HNF4A: variants seen among roughly 807,000 people sequenced by gnomAD.
HNF4A encodes the protein hepatocyte nuclear factor 4 alpha, also known as hepatocyte nuclear factor 4-alpha.
Under a neutral mutation model 52.4 loss-of-function variants are expected in HNF4A, and 15 were observed. That is an observed-to-expected ratio of 0.29 (90% CI 0.19 to 0.44). HNF4A has a LOEUF of 0.44. Among genes scored for constraint, HNF4A ranks in the 20% least tolerant of loss-of-function variants. HNF4A has a pLI of 1.00. For missense variants in HNF4A, 479 were observed against 647.2 expected, an observed-to-expected ratio of 0.74 and a Z score of 2.82; for synonymous variants, 280 against 264.4, an observed-to-expected ratio of 1.06 and a Z score of -0.57.
chr20:44,380,483 A>G (rs887776049), intron 1 of HNF4A, among the ~76,000 whole-genome samples: 1 of 151,578 alleles, frequency 6.6e-6, no homozygotes, highest in Admixed American at 6.6e-5. Context: ...CTGTAGAGAC[A>G]AAGTTTCACT....
intron 8 of HNF4A, among the ~76,000 whole-genome samples, chr20:44,426,352 T>C (rs1290280673): frequency 1.3e-5 from 2 of 152,050 alleles, no homozygotes; most frequent in African/African-American, 2.4e-5. Context: ...GGAAACCAGA[T>C]TGGAGAGTGC....
chr20:44,391,062 A>G (rs1302526033), intron 1 of HNF4A, among the ~76,000 whole-genome samples: 2 of 152,180 alleles, frequency 1.3e-5, no homozygotes, highest in East Asian at 3.9e-4. Flanking sequence ...TTCCCTGAGC[A>G]GAAAACAATC....
intron 4 of HNF4A, 33 bp downstream of exon 4, chr20:44,413,833 TC>T: frequency 7.0e-7 from 1 of 1,428,600 alleles, no homozygotes; most frequent in Middle Eastern, 1.7e-4. Flanking sequence ...CACCCAGGGA[TC>T]CCCCACACTA....
chr20:44,358,857 T>A (rs2062888202), intron 1 of HNF4A, among the ~76,000 whole-genome samples: 1 of 152,102 alleles, frequency 6.6e-6, no homozygotes, highest in Admixed American at 6.6e-5. Context: ...ACGCAAGAAA[T>A]CCTCGTTGTG....
chr20:44,393,513 GAC>G (rs2063324811), intron 1 of HNF4A, among the ~76,000 whole-genome samples: 1 of 152,246 alleles, frequency 6.6e-6, no homozygotes, highest in African/African-American at 2.4e-5. Flanking sequence ...AGACTCTAGA[GAC>G]AGACTGCCCA....
chr20:44,382,173 A>G (rs1324451326), intron 1 of HNF4A, among the ~76,000 whole-genome samples: 3 of 152,032 alleles, frequency 2.0e-5, no homozygotes, highest in African/African-American at 7.2e-5. Flanking sequence ...CTCTTCTCCA[A>G]TACCCAGCCC....
chr20:44,357,623 C>A (rs1469555245), intron 1 of HNF4A, among the ~76,000 whole-genome samples: 1 of 152,158 alleles, frequency 6.6e-6, no homozygotes, highest in East Asian at 1.9e-4. Context: ...CATGTCTCTT[C>A]ATCTCTGCTC....
At chr20:44,414,804 A>G (rs1285367759) in intron 5 of HNF4A, 142 bp downstream of exon 5, 13 of 767,814 alleles carry the variant, frequency 1.7e-5, no homozygotes, top group Non-Finnish European at 2.5e-5. Flanking sequence ...CGTGTCTGAA[A>G]CTTTAAATCA....
chr20:44,358,013 G>A (rs1415356701), intron 1 of HNF4A, among the ~76,000 whole-genome samples: 1 of 150,896 alleles, frequency 6.6e-6, no homozygotes, highest in Non-Finnish European at 1.5e-5. Flanking sequence ...TGGGGCAGTG[G>A]AACATTCACT....
chr20:44,414,684 G>A, intron 5 of HNF4A, 22 bp downstream of exon 5: 1 of 1,581,324 alleles, frequency 6.3e-7, no homozygotes. Flanking sequence ...CGTGGATGGT[G>A]GGCAGTAGTG....
chr20:44,385,057 A>AT (rs1491454694), intron 1 of HNF4A, among the ~76,000 whole-genome samples: 21 of 29,912 alleles, frequency 7.0e-4, no homozygotes, highest in Middle Eastern at 0.019. Context: ...GAACTCTGTG[A>AT]TCTTTTTTTT....
At chr20:44,429,033 A>T (rs766796238) in intron 9 of HNF4A, among the ~76,000 whole-genome samples, 4 of 152,224 alleles carry the variant, frequency 2.6e-5, no homozygotes, top group Non-Finnish European at 4.4e-5. Flanking sequence ...AAAGATGGCC[A>T]ATTGGGTCAA....
chr20:44,388,430 T>C (rs2063261535), intron 1 of HNF4A, among the ~76,000 whole-genome samples: 1 of 134,106 alleles, frequency 7.5e-6, no homozygotes, highest in Non-Finnish European at 1.5e-5. Context: ...TAGTAGGTGG[T>C]GGAAGGGCAG....
intron 2 of HNF4A, 100 bp downstream of exon 2, chr20:44,406,332 G>C (rs918898982): frequency 1.7e-5 from 17 of 980,320 alleles, no homozygotes; most frequent in Non-Finnish European, 2.5e-5. Context: ...AGAGACAGCT[G>C]CCCTTCAGGG....
chr20:44,356,215 A>T lies in HNF4A; in HGVS notation c.49+362A>T, dbSNP rs2062856177. On this transcript the variant is annotated intron_variant, in intron 1 of 9. Coordinates refer to the HNF4A transcript ENST00000316673. ...GCGGGGCAAATTGAGGTCCACCAGG[A>T]GAGGCTTGCTGGGCCTAGGTCACGT... Among the ~76,000 whole-genome samples, 5 of 152,308 alleles carry T rather than the reference A, an allele frequency of 3.3e-5. No individual in the cohort carries two copies. The South Asian group carries it at 1.0e-3, about 32-fold the overall frequency.
At chr20:44,401,610 T>C (rs2063410719) in intron 1 of HNF4A, 11 of 1,252,260 alleles carry the variant, frequency 8.8e-6, no homozygotes, top group Non-Finnish European at 1.2e-5. Flanking sequence ...AGGTTGGTCC[T>C]ACAGGCCAGC....
At chr20:44,370,513 T>C (rs1304318526) in intron 1 of HNF4A, among the ~76,000 whole-genome samples, 3 of 152,200 alleles carry the variant, frequency 2.0e-5, no homozygotes, top group African/African-American at 7.2e-5. Context: ...CACCCAAATC[T>C]AAGCCTGCCC....
intron 1 of HNF4A, among the ~76,000 whole-genome samples, chr20:44,376,034 T>C (rs1436240237): frequency 2.0e-5 from 3 of 151,842 alleles, no homozygotes; most frequent in African/African-American, 7.3e-5. Context: ...ATCACGAGGT[T>C]AAGAGTTTGA....
intron 1 of HNF4A, chr20:44,390,500 T>C: frequency 1.6e-6 from 1 of 619,750 alleles, no homozygotes; most frequent in Non-Finnish European, 2.9e-6. Flanking sequence ...ATCCCTGAAA[T>C]CTCATTGTGA....
Sources: allele counts gnomAD v4.1 joint callset (sites outside exome capture counted in the v4.1 genomes callset), GRCh38; gene constraint gnomAD v4.1.1; transcripts MANE v1.5; gene names NCBI Gene and HGNC (gene_info 2026-07-23, HGNC 2026-07-21).